MNAT1: variants seen among roughly 807,000 people sequenced by gnomAD.
The protein encoded by MNAT1 is MNAT1 component of CDK activating kinase, also known as CDK-activating kinase assembly factor MAT1.
MNAT1 carries 43 observed loss-of-function variants against 42.0 expected under a neutral mutation model. That is an observed-to-expected ratio of 1.02 (90% CI 0.80 to 1.32). The LOEUF is 1.32. Among genes scored for constraint, MNAT1 ranks in the 40% most tolerant of loss-of-function variants. The pLI is 0.00. For missense variants in MNAT1, 306 were observed against 350.4 expected (o/e 0.87, Z 1.01); for synonymous variants, 118 against 120.0 (o/e 0.98, Z 0.11).
rs115131251 is a variant in MNAT1, at chr14:60,824,500, A to G, written c.687+5653A>G. ...GTATTAACACATCTTGAAATAATGT[A>G]AAGACAAATACTACTCAATAAGGAA... On this transcript the variant is annotated intron_variant, in intron 6 of 7. Coordinates refer to ENST00000261245, the MANE Select transcript of MNAT1 (RefSeq NM_002431.4). Among the ~76,000 whole-genome samples the G allele has an allele frequency of 3.6e-3, 543 of 152,344 alleles. 5 individuals are homozygous for G. Among genetic ancestry groups the G allele is most frequent in the African/African-American group, 0.012 (518 of 41,592 alleles).
chr14:60,823,254 T>C (rs540298950), intron 6 of MNAT1, among the ~76,000 whole-genome samples: 1 of 152,226 alleles, frequency 6.6e-6, no homozygotes, highest in Non-Finnish European at 1.5e-5. Flanking sequence ...TCCCTTTAGC[T>C]ATCCCTGAAT....
intron 4 of MNAT1, among the ~76,000 whole-genome samples, chr14:60,811,755 G>C (rs906892281): frequency 2.6e-5 from 4 of 152,028 alleles, no homozygotes; most frequent in African/African-American, 9.7e-5. Flanking sequence ...AGTGGCCTTA[G>C]TATAGCAAAA....
intron 6 of MNAT1, among the ~76,000 whole-genome samples, chr14:60,852,011 T>TA (rs1208842709): frequency 1.3e-5 from 2 of 152,200 alleles, no homozygotes; most frequent in African/African-American, 2.4e-5. Context: ...GCAATAAACA[T>TA]ACGTGTGCAT....
chr14:60,946,885 A>G (rs751459523), intron 7 of MNAT1, among the ~76,000 whole-genome samples: 35 of 152,218 alleles, frequency 2.3e-4, no homozygotes, highest in Non-Finnish European at 4.4e-4. Flanking sequence ...TCTATTTCTC[A>G]TAATTCTGGA....
intron 7 of MNAT1, among the ~76,000 whole-genome samples, chr14:60,916,295 G>A (rs1006109897): frequency 6.6e-6 from 1 of 152,274 alleles, no homozygotes; most frequent in Admixed American, 6.5e-5. Flanking sequence ...TTTTTAGACT[G>A]TAGGTTATAT....
intron 1 of MNAT1, among the ~76,000 whole-genome samples, chr14:60,766,429 T>C (rs768407226): frequency 6.6e-6 from 1 of 152,138 alleles, no homozygotes; most frequent in Non-Finnish European, 1.5e-5. Context: ...AAAATCTTTT[T>C]GTGGCCTGGC....
chr14:60,882,266 G>C (rs930743839), intron 7 of MNAT1, among the ~76,000 whole-genome samples: 1 of 151,768 alleles, frequency 6.6e-6, no homozygotes. Flanking sequence ...ACAACCTCTG[G>C]TGACCTTCCT....
chr14:60,766,248 G>A (rs929460991), intron 1 of MNAT1, among the ~76,000 whole-genome samples: 12 of 151,066 alleles, frequency 7.9e-5, no homozygotes, highest in Non-Finnish European at 1.5e-5. Context: ...CTTGGGAGGC[G>A]TAGACAGAGA....
At chr14:60,783,136 G>A (rs2031523609) in intron 1 of MNAT1, among the ~76,000 whole-genome samples, 1 of 152,056 alleles carries the variant, frequency 6.6e-6, no homozygotes, top group Non-Finnish European at 1.5e-5. Flanking sequence ...TTGTCAAGTG[G>A]GTCTAAGCTT....
intron 7 of MNAT1, among the ~76,000 whole-genome samples, chr14:60,893,217 A>G (rs912739575): frequency 4.6e-5 from 7 of 151,810 alleles, no homozygotes; most frequent in African/African-American, 1.5e-4. Context: ...TATTTTGCCC[A>G]TTCTGCTGAT....
intron 3 of MNAT1, among the ~76,000 whole-genome samples, chr14:60,806,721 CTTGGGAGGCTGAGG>C (rs2032381112): frequency 6.6e-6 from 1 of 152,152 alleles, no homozygotes; most frequent in Non-Finnish European, 1.5e-5. Flanking sequence ...ATCCAAGCTA[CTTGGGAGGCTGAGG>C]TTGGATCTGG....
intron 7 of MNAT1, among the ~76,000 whole-genome samples, chr14:60,915,360 A>G (rs2035489525): frequency 6.6e-6 from 1 of 152,168 alleles, no homozygotes; most frequent in Non-Finnish European, 1.5e-5. Context: ...AAATTGAGTC[A>G]TCTTCCCTAT....
intron 6 of MNAT1, among the ~76,000 whole-genome samples, chr14:60,868,481 A>G (rs746090184): frequency 2.0e-5 from 3 of 152,194 alleles, no homozygotes; most frequent in Non-Finnish European, 4.4e-5. Flanking sequence ...CAGATTTAAC[A>G]TTGTGAGAGG....
chr14:60,747,724 TTTTC>T (rs1231954718), intron 1 of MNAT1, among the ~76,000 whole-genome samples: 1 of 152,164 alleles, frequency 6.6e-6, no homozygotes, highest in Non-Finnish European at 1.5e-5. Context: ...TATAAAAAAA[TTTTC>T]TTTCTTCAAT....
intron 3 of MNAT1, among the ~76,000 whole-genome samples, chr14:60,799,579 C>G (rs888165628): frequency 1.3e-5 from 2 of 151,916 alleles, no homozygotes; most frequent in African/African-American, 2.4e-5. Context: ...CAATTACAAG[C>G]AGGCAGTCAG....
At chr14:60,925,127 T>A (rs2035740569) in intron 7 of MNAT1, among the ~76,000 whole-genome samples, 1 of 152,230 alleles carries the variant, frequency 6.6e-6, no homozygotes, top group Non-Finnish European at 1.5e-5. Context: ...GTGTACAGAC[T>A]TTTTTCTTGT....
intron 6 of MNAT1, among the ~76,000 whole-genome samples, chr14:60,824,400 A>G (rs1005606075): frequency 3.3e-5 from 5 of 152,176 alleles, no homozygotes; most frequent in Admixed American, 2.6e-4. Flanking sequence ...ACATAGTTTT[A>G]TATGATTGTG....
At chr14:60,944,950 T>C (rs4151381) in intron 7 of MNAT1, among the ~76,000 whole-genome samples, 9,759 of 152,228 alleles carry the variant, frequency 0.064, 1,045 homozygotes, top group African/African-American at 0.22. Context: ...AATAAATATT[T>C]AGAAAACTCT....
rs962394461 is a variant in MNAT1 at position 60,942,443 on chromosome 14, A to T, written c.810-25786A>T. 9.8e-5 allele frequency among the ~76,000 whole-genome samples: 14 copies of T among 143,262 alleles called. No individual in the cohort carries two copies. In the East Asian group the frequency reaches 2.4e-3, roughly 25 times the overall value. 94.0% of individuals were successfully genotyped at this position (143,262 alleles called of 152,430 possible). On this transcript the variant is annotated intron_variant, in intron 7 of 7. Coordinates refer to ENST00000261245, the MANE Select transcript of MNAT1 (RefSeq NM_002431.4). ...GGCCCTTATTGTTATTTCTCTCTTA[A>T]TTTTTTTTTTTTTTTGTAAATTTGG...
Sources: allele counts gnomAD v4.1 joint callset (sites outside exome capture counted in the v4.1 genomes callset), GRCh38; gene constraint gnomAD v4.1.1; transcripts MANE v1.5; gene names NCBI Gene and HGNC (gene_info 2026-07-23, HGNC 2026-07-21).